Variants in DLG2 observed in about 807,000 individuals in gnomAD.
DLG2 encodes discs large MAGUK scaffold protein 2, also known as disks large homolog 2.
In DLG2, 45 loss-of-function variants were observed where a neutral mutation model predicts 132.5. The ratio of observed to expected loss-of-function variants is 0.34; its 90% CI spans 0.27 to 0.44. DLG2 has a LOEUF of 0.44. DLG2 is among the 20% of genes least tolerant of loss of function. The probability of loss-of-function intolerance (pLI) is 1.00; values close to 1 mark genes in which losing one functional copy is unlikely to be tolerated. For synonymous variants in DLG2, 424 were observed against 419.6 expected, an observed-to-expected ratio of 1.01 and a Z score of -0.13; for missense variants, 1,045 against 1,196.9, an observed-to-expected ratio of 0.87 and a Z score of 1.87.
At chr11:85,123,400 G>A (rs1327055170) in intron 5 of DLG2, among the ~76,000 whole-genome samples, 2 of 152,078 alleles carry the variant, frequency 1.3e-5, no homozygotes, top group African/African-American at 4.8e-5. Context: ...AAGAATTAGT[G>A]AGTCTCTGAA....
chr11:84,430,920 T>G (rs1270748878), intron 7 of DLG2, among the ~76,000 whole-genome samples: 1 of 152,176 alleles, frequency 6.6e-6, no homozygotes, highest in Admixed American at 6.5e-5. Context: ...TGAGGAGCTT[T>G]GAGAGACTCA....
At chr11:84,935,293 G>C (rs952663885) in intron 6 of DLG2, among the ~76,000 whole-genome samples, 1 of 152,104 alleles carries the variant, frequency 6.6e-6, no homozygotes, top group African/African-American at 2.4e-5. Context: ...CCAGATCTAT[G>C]AAAGAGATCT....
chr11:84,057,158 A>G (rs2096517591), intron 11 of DLG2, among the ~76,000 whole-genome samples: 1 of 152,192 alleles, frequency 6.6e-6, no homozygotes, highest in Admixed American at 6.6e-5. Context: ...GCAGTTCAGC[A>G]TGAAGTAAAC....
At chr11:84,015,672 A>T (rs2095141861) in intron 11 of DLG2, among the ~76,000 whole-genome samples, 1 of 152,088 alleles carries the variant, frequency 6.6e-6, no homozygotes, top group Admixed American at 6.6e-5. Flanking sequence ...TGCTGAAAAT[A>T]ATGGCCTCTA....
At chr11:83,653,052 T>C (rs1334824037) in intron 18 of DLG2, among the ~76,000 whole-genome samples, 1 of 152,210 alleles carries the variant, frequency 6.6e-6, no homozygotes, top group Non-Finnish European at 1.5e-5. Context: ...GTGGCAGAAG[T>C]GGAACCCCAA....
At chr11:84,308,471 G>C (rs2098251092) in intron 7 of DLG2, among the ~76,000 whole-genome samples, 1 of 152,352 alleles carries the variant, frequency 6.6e-6, no homozygotes, top group South Asian at 2.1e-4. Flanking sequence ...CCAGAGTCAG[G>C]AGCCCAGCTG....
At chr11:84,650,706 T>A (rs1381884095) in intron 6 of DLG2, among the ~76,000 whole-genome samples, 1 of 151,914 alleles carries the variant, frequency 6.6e-6, no homozygotes, top group Admixed American at 6.6e-5. Flanking sequence ...TCTTATGATG[T>A]TACTTTTTCA....
At chr11:84,257,825 T>C (rs970689557) in intron 7 of DLG2, among the ~76,000 whole-genome samples, 33 of 151,844 alleles carry the variant, frequency 2.2e-4, no homozygotes, top group African/African-American at 7.5e-4. Flanking sequence ...TAGCTGGGAC[T>C]GCAGGCATGT....
intron 21 of DLG2, among the ~76,000 whole-genome samples, chr11:83,528,938 T>C (rs1043720623): frequency 6.6e-6 from 1 of 152,118 alleles, no homozygotes; most frequent in African/African-American, 2.4e-5. Context: ...TCCAAGTTCA[T>C]CTATAAAGTG....
At chr11:84,182,700 A>C (rs2096170160) in intron 8 of DLG2, among the ~76,000 whole-genome samples, 1 of 152,166 alleles carries the variant, frequency 6.6e-6, no homozygotes, top group African/African-American at 2.4e-5. Flanking sequence ...AAACTAGAAA[A>C]GGAAGGGCAA....
chr11:84,054,046 C>T (rs551954510), intron 11 of DLG2, among the ~76,000 whole-genome samples: 1 of 152,098 alleles, frequency 6.6e-6, no homozygotes, highest in African/African-American at 2.4e-5. Flanking sequence ...AGTAAGGTGG[C>T]TAAAATAAAG....
chr11:84,688,683 GCT>G (rs1207812109), intron 6 of DLG2, among the ~76,000 whole-genome samples: 2 of 152,110 alleles, frequency 1.3e-5, no homozygotes, highest in Non-Finnish European at 2.9e-5. Context: ...CATAAATCTG[GCT>G]CTCTCTGCCT....
intron 6 of DLG2, among the ~76,000 whole-genome samples, chr11:84,741,368 T>C (rs893418810): frequency 7.2e-5 from 11 of 152,106 alleles, no homozygotes; most frequent in Non-Finnish European, 1.3e-4. Flanking sequence ...ATGCTCTTAA[T>C]AAGAGTAACA....
intron 4 of DLG2, among the ~76,000 whole-genome samples, chr11:85,166,043 T>C (rs184948899): frequency 6.6e-6 from 1 of 152,256 alleles, no homozygotes; most frequent in East Asian, 1.9e-4. Context: ...ACCCAGAGAT[T>C]TGTTAGAATC....
intron 3 of DLG2, among the ~76,000 whole-genome samples, chr11:85,493,760 G>A (rs1265425536): frequency 7.2e-6 from 1 of 139,502 alleles, no homozygotes; most frequent in Non-Finnish European, 1.5e-5. Flanking sequence ...GAGAGACAGA[G>A]AAAGAGAGAG....
At chr11:85,278,105 T>C (rs181633988) in intron 4 of DLG2, among the ~76,000 whole-genome samples, 44 of 152,362 alleles carry the variant, frequency 2.9e-4, no homozygotes, top group African/African-American at 9.4e-4. Context: ...AAATGTTCAC[T>C]ATTTATAAAA....
intron 11 of DLG2, among the ~76,000 whole-genome samples, chr11:84,005,826 C>T (rs1387317135): frequency 5.9e-5 from 9 of 151,586 alleles, no homozygotes; most frequent in East Asian, 1.9e-4. Flanking sequence ...AAATAACGGA[C>T]GCTGACAAGG....
chr11:85,145,390 A>C (rs2076773639), intron 5 of DLG2, among the ~76,000 whole-genome samples: 1 of 152,040 alleles, frequency 6.6e-6, no homozygotes, highest in Non-Finnish European at 1.5e-5. Context: ...TGTCTCTGTT[A>C]TTATTTCTTT....
At chr11:84,211,468 C>A (rs558253478) in intron 8 of DLG2, among the ~76,000 whole-genome samples, 1 of 152,174 alleles carries the variant, frequency 6.6e-6, no homozygotes, top group Non-Finnish European at 1.5e-5. Flanking sequence ...TGGTCTCAAA[C>A]TCCTGGGCTC....
Sources: allele counts gnomAD v4.1 joint callset (sites outside exome capture counted in the v4.1 genomes callset), GRCh38; gene constraint gnomAD v4.1.1; transcripts MANE v1.5; gene names NCBI Gene and HGNC (gene_info 2026-07-23, HGNC 2026-07-21).